The following ALLC variants were observed in gnomAD, a reference collection of about 807,000 sequenced individuals.
ALLC encodes the protein probable inactive allantoicase.
A neutral mutation model predicts 45.0 loss-of-function variants in ALLC; 40 were observed. That is an observed-to-expected ratio of 0.89 (90% confidence interval 0.69 to 1.16). The LOEUF is 1.16. Ranked by LOEUF, ALLC falls within the 50% of genes most tolerant of loss-of-function variation. The pLI, the probability that ALLC is intolerant of heterozygous loss-of-function variation, is 0.00. For missense variants in ALLC, 488 were observed against 493.1 expected (o/e 0.99, Z 0.10); for synonymous variants, 176 against 178.1 (o/e 0.99, Z 0.09).
At chr2:3,675,777 C>T (rs1667010173) in intron 3 of ALLC, among the ~76,000 whole-genome samples, 1 of 152,240 alleles carries the variant, frequency 6.6e-6, no homozygotes, top group African/African-American at 2.4e-5. Context: ...TTCCACCATT[C>T]ACACTGTTGT....
chr2:3,661,146 C>T (rs1192476445), intron 1 of ALLC, among the ~76,000 whole-genome samples: 1 of 152,136 alleles, frequency 6.6e-6, no homozygotes, highest in Non-Finnish European at 1.5e-5. Flanking sequence ...AGCCTCCGTC[C>T]CGTCTCTGAG....
intron 1 of ALLC, among the ~76,000 whole-genome samples, chr2:3,659,867 A>G (rs1666527611): frequency 6.6e-6 from 1 of 152,242 alleles, no homozygotes; most frequent in African/African-American, 2.4e-5. Context: ...AACTTAGGAA[A>G]GACAAATGTC....
At chr2:3,651,286 GGAATTCTTTTT>G in the ALLC span, among the ~76,000 whole-genome samples, 1 of 66,478 alleles carries the variant, frequency 1.5e-5, no homozygotes, top group African/African-American at 5.6e-5. Context: ...GATGCTTGCG[GGAATTCTTTTT>G]GGGTGGGTGG....
chr2:3,672,123 T>A lies in ALLC; in HGVS notation c.33+933T>A, dbSNP rs190729195. On this transcript the variant is annotated intron_variant, in intron 2 of 11. Coordinates refer to ENST00000252505, the MANE Select transcript of ALLC (RefSeq NM_018436.4). Reference sequence around the variant, plus strand: ...GGAGGTCCTCTGGCTCTAGTTAGATTGGAGGTCCTCTGGCTCTGGTTAGAT... The same window carrying A: ...GGAGGTCCTCTGGCTCTAGTTAGATAGGAGGTCCTCTGGCTCTGGTTAGAT... Among the ~76,000 whole-genome samples, 23 of 78,368 alleles carry A rather than the reference T, an allele frequency of 2.9e-4. No individual in the cohort carries two copies. The South Asian group carries it at 6.4e-3, about 22-fold the overall frequency. The allele number at this position is 78,368 out of a possible 152,430, so 51.4% of individuals were successfully genotyped here. A position where few individuals can be genotyped will look rare whatever the true frequency, so the allele number is the denominator to read the frequency against.
At chr2:3,698,698 C>T (rs1667745371) in intron 10 of ALLC, among the ~76,000 whole-genome samples, 1 of 152,102 alleles carries the variant, frequency 6.6e-6, no homozygotes, top group African/African-American at 2.4e-5. Flanking sequence ...CCACGTTAGC[C>T]ATCTTTGAAT....
At chr2:3,676,122 A>G (rs1205328420) in intron 3 of ALLC, among the ~76,000 whole-genome samples, 2 of 152,264 alleles carry the variant, frequency 1.3e-5, no homozygotes, top group Non-Finnish European at 2.9e-5. Context: ...AGGTTTCAAC[A>G]TACAAATTTT....
the ALLC span, among the ~76,000 whole-genome samples, chr2:3,652,821 A>G: frequency 1.3e-5 from 2 of 152,146 alleles, no homozygotes; most frequent in Non-Finnish European, 2.9e-5. Context: ...AGTTCAGGCA[A>G]TCAGCCTGGC....
At chr2:3,698,128 C>G (rs1015964715) in intron 10 of ALLC, among the ~76,000 whole-genome samples, 1 of 151,046 alleles carries the variant, frequency 6.6e-6, no homozygotes, top group Non-Finnish European at 1.5e-5. Flanking sequence ...TCATGCCTGG[C>G]TAATTTTTGT....
chr2:3,690,500 C>A (rs1203065150), intron 7 of ALLC, among the ~76,000 whole-genome samples: 1 of 137,150 alleles, frequency 7.3e-6, no homozygotes, highest in Non-Finnish European at 1.6e-5. Context: ...TAGTGGTTAA[C>A]TAATTTTCTC....
At chr2:3,686,982 C>T (rs914799195) in intron 7 of ALLC, among the ~76,000 whole-genome samples, 6 of 150,912 alleles carry the variant, frequency 4.0e-5, no homozygotes, top group African/African-American at 1.2e-4. Context: ...TTAATAAAAG[C>T]GGTGAAAGTG....
intron 1 of ALLC, among the ~76,000 whole-genome samples, chr2:3,665,250 T>G (rs1666674832): frequency 6.6e-6 from 1 of 151,406 alleles, no homozygotes; most frequent in African/African-American, 2.4e-5. Context: ...GAGAAACATT[T>G]CCAGAGGGAG....
At chr2:3,653,610 C>G (rs533452538), upstream of ALLC, among the ~76,000 whole-genome samples, 2 of 152,052 alleles carry the variant, frequency 1.3e-5, no homozygotes, top group African/African-American at 4.8e-5. The surrounding 1 kb of genome is among the most constrained non-coding windows in gnomAD (Gnocchi z 4.1). Flanking sequence ...CAGTGGGTGT[C>G]GAGAAGACAG....
Position 3,702,367 on chromosome 2 carries a change from C to G in ALLC, c.980C>G (p.Ser327Cys), listed in dbSNP as rs1262759738. ...WKPLLPVTKL[S>C]PNQSHLFDSL... Reference sequence around the variant, plus strand: ...CTGCATCTGCTTGCTTTTCAGTTGTCTCCCAACCAAAGTCATCTGTTCGAT... The same window carrying G: ...CTGCATCTGCTTGCTTTTCAGTTGTGTCCCAACCAAAGTCATCTGTTCGAT... Residue 327 changes from serine to cysteine, a missense_variant, in exon 12 of 12, where the codon TCT becomes TGT. By Grantham distance (112) the Ser-to-Cys change is moderately radical (BLOSUM62 -1). Transcript: ENST00000252505. 1.2e-6 allele frequency: 2 copies of G among 1,612,916 alleles called. No homozygotes were observed. Among genetic ancestry groups the G allele is most frequent in the Non-Finnish European group, 1.7e-6 (2 of 1,179,678 alleles).
At chr2:3,697,494 T>C (rs761202508) in intron 10 of ALLC, 38 bp downstream of exon 10, 5 of 1,547,732 alleles carry the variant, frequency 3.2e-6, no homozygotes, top group Non-Finnish European at 8.9e-7. Context: ...CTATAATTGG[T>C]TTGTTTATTC....
chr2:3,665,602 TG>T (rs1666684729), intron 1 of ALLC, among the ~76,000 whole-genome samples: 1 of 152,052 alleles, frequency 6.6e-6, no homozygotes. Flanking sequence ...CTGAGGATAA[TG>T]GCTTCCAGAT....
At chr2:3,655,969 C>T (rs571120509), upstream of ALLC, among the ~76,000 whole-genome samples, 2 of 152,292 alleles carry the variant, frequency 1.3e-5, no homozygotes, top group South Asian at 4.1e-4. Flanking sequence ...ATGTGGGTAG[C>T]CTGCTGTCAG....
At chr2:3,651,278 T>C in the ALLC span, among the ~76,000 whole-genome samples, 6 of 105,582 alleles carry the variant, frequency 5.7e-5, no homozygotes, top group African/African-American at 2.3e-4. Flanking sequence ...AGGCCGCCGA[T>C]GCTTGCGGGA....
chr2:3,663,513 C>T (rs549120665), intron 1 of ALLC, among the ~76,000 whole-genome samples: 1 of 152,034 alleles, frequency 6.6e-6, no homozygotes, highest in African/African-American at 2.4e-5. Context: ...TGCAGCAAAC[C>T]ACCATGGCAC....
Position 3,680,050 on chromosome 2 carries a change from G to A in ALLC, c.298+56G>A, listed in dbSNP as rs1439663215. ...GAATTATGGGTCACATGGCTCCTCTGGCCAGCCACAGCCCCACAACTGCTC... is the reference window on the plus strand; with the variant it reads ...GAATTATGGGTCACATGGCTCCTCTAGCCAGCCACAGCCCCACAACTGCTC... On this transcript the variant is annotated intron_variant, in intron 5 of 11. Transcript: ENST00000252505. The surrounding 1 kb of genome is among the most constrained non-coding windows in gnomAD (Gnocchi z 4.0). 15 of 1,606,556 alleles carry A rather than the reference G, an allele frequency of 9.3e-6. No homozygotes were observed. Among genetic ancestry groups the A allele is most frequent in the East Asian group, 9.0e-5 (4 of 44,674 alleles).
Sources: allele counts gnomAD v4.1 joint callset (sites outside exome capture counted in the v4.1 genomes callset), GRCh38; gene constraint gnomAD v4.1.1; non-coding constraint Gnocchi (gnomAD v3.1); transcripts MANE v1.5; gene names NCBI Gene and HGNC (gene_info 2026-07-23, HGNC 2026-07-21).